Variants in CRNKL1 observed in about 807,000 individuals in gnomAD.
CRNKL1 encodes crooked neck pre-mRNA splicing factor 1.
Under a neutral mutation model 103.7 loss-of-function variants are expected in CRNKL1, and 35 were observed. The observed-to-expected ratio is 0.34, with a 90% CI of 0.26 to 0.45. The LOEUF (loss-of-function observed/expected upper bound fraction) is 0.45. Among genes scored for constraint, CRNKL1 ranks in the 20% least tolerant of loss-of-function variants. CRNKL1 has a pLI of 1.00. For missense variants in CRNKL1, 645 were observed against 836.0 expected (o/e 0.77, Z 2.82); for synonymous variants, 267 against 282.6 (o/e 0.94, Z 0.55).
At chr20:20,039,908 T>C (rs530974543) in intron 10 of CRNKL1, 60 bp from the exon 11 acceptor site, 6 of 1,553,720 alleles carry the variant, frequency 3.9e-6, no homozygotes, top group South Asian at 1.1e-5. Context: ...TGTGCAGTTA[T>C]TGCACTGCCC....
In CRNKL1 at chr20:20,042,472, C is replaced by T. The variant is rs141192187; in HGVS notation, c.1017G>A (p.Leu339=). The T allele has an allele frequency of 6.4e-4, 1,028 of 1,614,060 alleles. 1 individual carries two copies. The highest frequency in any genetic ancestry group is 8.0e-4 in the Non-Finnish European group (945 of 1,179,984). The change falls in exon 8 of 14, where the codon TTG becomes TTA. Residue 339 remains leucine, a synonymous_variant. Transcript: ENST00000536226. ...CTTCAGCTTCTGCGTCACTTTCTAC[C>T]AAGCGCAAGTAATCAAACCATGCAT... is the stretch of plus-strand genomic sequence containing the variant. ...NYDAWFDYLR[L]VESDAEAEAV... is the part of the protein sequence containing the mutation.
chr20:20,034,494 A>C lies in CRNKL1; in HGVS notation c.*1701T>G, dbSNP rs1407744046. The C allele has an allele frequency of 6.6e-6, 1 of 152,206 alleles. No homozygotes were observed. 9.4% of individuals were successfully genotyped at this position (152,206 alleles called of 1,614,324 possible). Reference sequence around the variant, plus strand: ...GCTTTCACACTGGCACATGCTTATTACAATTCTACCTTGGGAACATGACAG... The same window carrying C: ...GCTTTCACACTGGCACATGCTTATTCCAATTCTACCTTGGGAACATGACAG... On this transcript the variant is annotated 3_prime_UTR_variant, in exon 14 of 14. Coordinates refer to ENST00000536226, the MANE Select transcript of CRNKL1 (RefSeq NM_001278628.2).
chr20:20,036,390 G>A (rs775205569), intron 13 of CRNKL1, 28 bp from the exon 14 acceptor site: 1 of 1,608,556 alleles, frequency 6.2e-7, no homozygotes, highest in East Asian at 2.2e-5. Flanking sequence ...GAAAAGATAA[G>A]CAAACGTGGG....
Position 20,049,382 on chromosome 20 carries a change from A to G in CRNKL1, c.254T>C (p.Ile85Thr). Residue 85 changes from isoleucine (I) to threonine (T), a missense_variant, in exon 3 of 14, where the codon ATA becomes ACA. Around this residue, in one of 2 missense-constraint regions of CRNKL1, gnomAD observed 63 missense variants for 128.3 expected, o/e 0.49. Transcript: ENST00000536226. ...GCTTTCTTCCCATTGTGCGTATTTT[A>G]TCCAGTTACTAATCACAGTCCTGTT... ...RKNRTVISNW[I>T]KYAQWEESLK... 6.2e-7 allele frequency: 1 copy of G among 1,605,464 alleles called. No homozygotes were observed. Among genetic ancestry groups the G allele is most frequent in the Non-Finnish European group, 8.5e-7 (1 of 1,174,030 alleles).
rs532430822 is a variant in CRNKL1, at chr20:20,034,716, G to A, written c.*1479C>T. The A allele has an allele frequency of 6.6e-6, 1 of 152,326 alleles. No homozygotes were observed. The highest frequency in any genetic ancestry group is 2.1e-4 in the South Asian group (1 of 4,828). 9.4% of individuals were successfully genotyped at this position (152,326 alleles called of 1,614,324 possible). A position where few individuals can be genotyped will look rare whatever the true frequency, so the allele number is the denominator to read the frequency against. Reference sequence around the variant, plus strand: ...GTGATCTGACACCGCAGTAGCTGATGCTCGTCCAGTGACTAAAGCAGTCAG... The same window carrying A: ...GTGATCTGACACCGCAGTAGCTGATACTCGTCCAGTGACTAAAGCAGTCAG... On this transcript the variant is annotated 3_prime_UTR_variant, in exon 14 of 14. Coordinates refer to ENST00000536226, the MANE Select transcript of CRNKL1 (RefSeq NM_001278628.2).
At chr20:20,040,599 G>A (rs758258702) in intron 10 of CRNKL1, 87 bp downstream of exon 10, 5 of 976,126 alleles carry the variant, frequency 5.1e-6, no homozygotes, top group Non-Finnish European at 8.0e-6. Context: ...ACTCTTTAAA[G>A]TAGGAACTGT....
intron 1 of CRNKL1, among the ~76,000 whole-genome samples, chr20:20,051,761 C>T (rs549539664): frequency 1.1e-4 from 17 of 152,254 alleles, no homozygotes; most frequent in African/African-American, 3.6e-4. Flanking sequence ...GTTTAATTAA[C>T]TTATGATACT....
chr20:20,048,349 T>C lies in CRNKL1; in HGVS notation c.449A>G (p.Gln150Arg). The C allele has an allele frequency of 6.2e-7, 1 of 1,614,230 alleles. No individual in the cohort carries two copies. Among genetic ancestry groups the C allele is most frequent in the South Asian group, 1.1e-5 (1 of 91,084 alleles). The change falls in exon 4 of 14, where the codon CAG becomes CGG. Residue 150 changes from glutamine to arginine, a missense_variant. Transcript: ENST00000536226. ...RAITTLPRVN[Q>R]FWYKYTYMEE... ...TGTTAGATCAGAAACTTACCAGAAC[T>C]GATTAACTCGAGGCAGCGTTGTTAT... is the stretch of plus-strand genomic sequence containing the variant.
At chr20:20,052,065 C>T (rs963311136) in intron 1 of CRNKL1, among the ~76,000 whole-genome samples, 1 of 152,158 alleles carries the variant, frequency 6.6e-6, no homozygotes, top group Non-Finnish European at 1.5e-5. Flanking sequence ...CCGAACCACC[C>T]CACTCCACTC....
chr20:20,037,688 A>G (rs1424668618), intron 12 of CRNKL1, 117 bp from the exon 13 acceptor site: 1 of 897,958 alleles, frequency 1.1e-6, no homozygotes, highest in Non-Finnish European at 1.7e-6. Flanking sequence ...TGCATCACTA[A>G]TGTTTCACAG....
At position 20,041,605 on chromosome 20, in the gene CRNKL1, C is replaced by T; in HGVS notation, c.1185G>A (p.Gln395=). ...TTAGTTCCAAAGAGGCTTGATACACCTGTCTTGTCCTCTCAGGATCCTGTA... is the reference window on the plus strand; with the variant it reads ...TTAGTTCCAAAGAGGCTTGATACACTTGTCTTGTCCTCTCAGGATCCTGTA... ...LEAKDPERTR[Q]VYQASLELIP... is the part of the protein sequence containing the mutation. The change falls in exon 9 of 14, where the codon CAG becomes CAA. Residue 395 remains glutamine (Q), a synonymous_variant. Coordinates refer to ENST00000536226, the MANE Select transcript of CRNKL1 (RefSeq NM_001278628.2). 3 of 1,613,342 alleles carry T rather than the reference C, an allele frequency of 1.9e-6. No individual in the cohort carries two copies. The highest frequency in any genetic ancestry group is 2.5e-6 in the Non-Finnish European group (3 of 1,179,360).
At chr20:20,037,606 A>C (rs201593794) in intron 12 of CRNKL1, 35 bp from the exon 13 acceptor site, 4 of 1,595,744 alleles carry the variant, frequency 2.5e-6, no homozygotes, top group Non-Finnish European at 2.6e-6. Context: ...CAAATTAACC[A>C]TATCACTCAG....
At chr20:20,040,329 AC>A (rs1406150747) in intron 10 of CRNKL1, among the ~76,000 whole-genome samples, 3 of 149,576 alleles carry the variant, frequency 2.0e-5, no homozygotes, top group Non-Finnish European at 1.5e-5. Context: ...AACCAAACAA[AC>A]AAAAAAAAAA....
rs116223836 is a variant in CRNKL1 at position 20,042,208 on chromosome 20, T to C, written c.1164+117A>G. 1.2e-3 allele frequency: 1,086 copies of C among 926,092 alleles called. 10 individuals carry two copies. In the African/African-American group the frequency reaches 0.017, roughly 14 times the overall value. The allele number at this position is 926,092 out of a possible 1,614,324, so 57.4% of individuals were successfully genotyped here. A position where few individuals can be genotyped will look rare whatever the true frequency, so the allele number is the denominator to read the frequency against. On this transcript the variant is annotated intron_variant, in intron 8 of 13. Transcript: ENST00000536226. ...AACTGTATGGATGAACAGAAGCCTATAAAAATTTAAAACTAAATTTCCTTC... is the reference window on the plus strand; with the variant it reads ...AACTGTATGGATGAACAGAAGCCTACAAAAATTTAAAACTAAATTTCCTTC...
At chr20:20,051,615 A>C (rs1252764209) in intron 1 of CRNKL1, among the ~76,000 whole-genome samples, 3 of 152,230 alleles carry the variant, frequency 2.0e-5, no homozygotes, top group African/African-American at 7.2e-5. Flanking sequence ...AGTTATGTAA[A>C]GGTCCAGTTC....
chr20:20,045,339 G>A lies in CRNKL1; in HGVS notation c.770C>T (p.Ala257Val), dbSNP rs1186740102. 1.2e-6 allele frequency: 2 copies of A among 1,609,266 alleles called. No individual in the cohort carries two copies. Among genetic ancestry groups the A allele is most frequent in the Admixed American group, 1.7e-5 (1 of 59,632 alleles). ...DEHMDEHLYV[A>V]FAKFEENQKE... is the part of the protein sequence containing the mutation. ...CTGATTTTCTTCAAACTTGGCAAAG[G>A]CAACATAAAGGTGCTCATCCATATG... The change falls in exon 6 of 14, where the codon GCC becomes GTC. Residue 257 changes from alanine to valine, a missense_variant. Around this residue, in one of 2 missense-constraint regions of CRNKL1, gnomAD observed 582 missense variants for 707.7 expected, o/e 0.82. Transcript: ENST00000536226.
chr20:20,053,014 G>A (rs2043884258), upstream of CRNKL1, among the ~76,000 whole-genome samples: 3 of 152,136 alleles, frequency 2.0e-5, no homozygotes, highest in Non-Finnish European at 4.4e-5. Flanking sequence ...AATATAAATA[G>A]AGTAACTGGA....
chr20:20,037,002 G>C (rs1401811855), intron 13 of CRNKL1, among the ~76,000 whole-genome samples: 2 of 152,070 alleles, frequency 1.3e-5, no homozygotes, highest in South Asian at 4.1e-4. Context: ...CTCTGGATAG[G>C]CTCCTATCTG....
At position 20,049,377 on chromosome 20, in the gene CRNKL1, AT is replaced by A; in HGVS notation, c.258del (p.Lys86AsnfsTer9). ...TTTAGGCTTTCTTCCCATTGTGCGT[AT>A]TTTATCCAGTTACTAATCACAGTCC... ...KNRTVISNWI[K>X]YAQWEESLKE... is the part of the protein sequence containing the mutation. On this transcript the variant is annotated frameshift_variant, in exon 3 of 14. Transcript: ENST00000536226. LOFTEE classifies it high-confidence loss of function. The A allele has an allele frequency of 6.2e-7, 1 of 1,605,232 alleles. No individual in the cohort carries two copies. The highest frequency in any genetic ancestry group is 1.1e-5 in the South Asian group (1 of 90,202).
Sources: gnomAD v4.1 joint callset for allele counts (sites outside exome capture counted in the v4.1 genomes callset) on GRCh38, gnomAD v4.1.1 for gene constraint, gnomAD v4.1.1 regional missense constraint, MANE v1.5 for transcripts, NCBI Gene and HGNC (gene_info 2026-07-23, HGNC 2026-07-21) for gene names.